The following GALNT14 variants were observed in gnomAD, a reference collection of about 807,000 sequenced individuals.
The protein encoded by GALNT14 is polypeptide N-acetylgalactosaminyltransferase 14, also known as UDP-GalNAc:polypeptide N-acetylgalactosaminyltransferase 14.
GALNT14 carries 60 observed loss-of-function variants against 77.5 expected under a neutral mutation model. The ratio of observed to expected loss-of-function variants is 0.77; its 90% CI spans 0.63 to 0.96. The LOEUF (loss-of-function observed/expected upper bound fraction) is 0.96, where lower values mean the gene tolerates loss of function less well. GALNT14 is among the 40% of genes least tolerant of loss of function. The pLI is 0.00. For missense variants in GALNT14, 710 were observed against 731.0 expected (o/e 0.97, Z 0.33); for synonymous variants, 280 against 281.7 (o/e 0.99, Z 0.06).
intron 1 of GALNT14, among the ~76,000 whole-genome samples, chr2:31,027,728 G>A (rs1196423634): frequency 1.3e-5 from 2 of 152,136 alleles, no homozygotes; most frequent in Non-Finnish European, 2.9e-5. Context: ...TCCCCACCCT[G>A]TATGGTGAAA....
intron 1 of GALNT14, among the ~76,000 whole-genome samples, chr2:31,000,321 G>A (rs1670284980): frequency 6.6e-6 from 1 of 152,174 alleles, no homozygotes; most frequent in East Asian, 1.9e-4. Flanking sequence ...GATTAGAGGA[G>A]CTTGCTTGTC....
chr2:31,060,431 C>T (rs1356741868), intron 1 of GALNT14, among the ~76,000 whole-genome samples: 5 of 152,130 alleles, frequency 3.3e-5, no homozygotes, highest in East Asian at 3.9e-4. Flanking sequence ...AATCCTTCAG[C>T]GGAGGGAAAG....
At chr2:30,989,582 A>ATAT (rs1553351577) in intron 2 of GALNT14, among the ~76,000 whole-genome samples, 17 of 114,160 alleles carry the variant, frequency 1.5e-4, no homozygotes, top group African/African-American at 4.7e-4. Context: ...ATATATATAT[A>ATAT]AAAATATATA....
chr2:31,120,773 T>C (rs907077970), intron 1 of GALNT14, among the ~76,000 whole-genome samples: 1 of 152,184 alleles, frequency 6.6e-6, no homozygotes, highest in African/African-American at 2.4e-5. Context: ...GCCAGGCTGG[T>C]CTCAAACTCC....
At chr2:31,136,754 C>A (rs1679245165) in intron 1 of GALNT14, among the ~76,000 whole-genome samples, 1 of 152,122 alleles carries the variant, frequency 6.6e-6, no homozygotes, top group Non-Finnish European at 1.5e-5. Flanking sequence ...ACCAGTAGAA[C>A]GACTTAAGGT....
rs1246782930 is a variant in GALNT14, at chr2:30,950,416, T to C, written c.655-4546A>G. Among the ~76,000 whole-genome samples, 5 of 152,290 alleles carry C rather than the reference T, an allele frequency of 3.3e-5. No individual in the cohort carries two copies. In the East Asian group the frequency reaches 5.8e-4, roughly 18 times the overall value. ...GATGACAGCTGAAGCCCAGTCTCTTTCTTATCTCTTTCTATTTTTGAAAAT... is the reference window on the plus strand; with the variant it reads ...GATGACAGCTGAAGCCCAGTCTCTTCCTTATCTCTTTCTATTTTTGAAAAT... On this transcript the variant is annotated intron_variant, in intron 6 of 14. Coordinates refer to ENST00000349752, the MANE Select transcript of GALNT14 (RefSeq NM_024572.4).
chr2:31,093,570 C>A (rs1013129540), intron 1 of GALNT14, among the ~76,000 whole-genome samples: 1 of 152,206 alleles, frequency 6.6e-6, no homozygotes, highest in African/African-American at 2.4e-5. Context: ...GCACAGACCA[C>A]AGGCATGGCA....
chr2:31,052,502 C>T (rs956257818), intron 1 of GALNT14, among the ~76,000 whole-genome samples: 2 of 152,198 alleles, frequency 1.3e-5, no homozygotes, highest in Non-Finnish European at 2.9e-5. Context: ...CTGCTCCCCA[C>T]GGAAGCCTGG....
rs772350834 is a variant in GALNT14 at position 30,910,863 on chromosome 2, C to A, written c.*38G>T. ...TCCAGTCTGTTCTGGTCCAGGGAAG[C>A]ACCACCCCATGGCCCTTGCTGCTTC... On this transcript the variant is annotated 3_prime_UTR_variant, in exon 15 of 15. Coordinates refer to ENST00000349752, the MANE Select transcript of GALNT14 (RefSeq NM_024572.4). 14 of 1,605,142 alleles carry A rather than the reference C, an allele frequency of 8.7e-6. No homozygotes were observed.
chr2:31,007,453 C>G (rs1670750218), intron 1 of GALNT14, among the ~76,000 whole-genome samples: 1 of 152,132 alleles, frequency 6.6e-6, no homozygotes. Context: ...TGTCACCAAT[C>G]ATTCTTGTCC....
intron 1 of GALNT14, among the ~76,000 whole-genome samples, chr2:31,136,259 C>T (rs1679224771): frequency 6.6e-6 from 1 of 152,220 alleles, no homozygotes; most frequent in Non-Finnish European, 1.5e-5. Flanking sequence ...ACACACCTCC[C>T]TAAACTTTAT....
intron 1 of GALNT14, among the ~76,000 whole-genome samples, chr2:31,119,281 CAA>C: frequency 6.6e-6 from 1 of 152,040 alleles, no homozygotes; most frequent in South Asian, 2.1e-4. Flanking sequence ...ACAGTATTAA[CAA>C]ATTAATCAGA....
chr2:31,034,209 C>T (rs1672576064), intron 1 of GALNT14, among the ~76,000 whole-genome samples: 1 of 152,178 alleles, frequency 6.6e-6, no homozygotes, highest in Non-Finnish European at 1.5e-5. Context: ...TTGCACCAAC[C>T]CTGACCCTCT....
At chr2:30,948,265 T>A (rs1029552666) in intron 6 of GALNT14, among the ~76,000 whole-genome samples, 1 of 152,264 alleles carries the variant, frequency 6.6e-6, no homozygotes, top group Non-Finnish European at 1.5e-5. Context: ...GTGACTCTTA[T>A]GCAATAAAGG....
Position 31,138,300 on chromosome 2 carries a change from G to T in GALNT14, c.-214C>A, listed in dbSNP as rs745827797. 1.8e-5 allele frequency: 10 copies of T among 566,566 alleles called. No homozygotes were observed. Among genetic ancestry groups the T allele is most frequent in the Non-Finnish European group, 2.8e-5 (9 of 326,578 alleles). 35.1% of individuals were successfully genotyped at this position (566,566 alleles called of 1,614,324 possible). A position where few individuals can be genotyped will look rare whatever the true frequency, so the allele number is the denominator to read the frequency against. On this transcript the variant is annotated 5_prime_UTR_variant, in exon 1 of 15. Transcript: ENST00000349752. ...GGGGTGCAGGGCGACCCGAAACGTGGCAGGGAAGGACCGAGGGCAGCCAAG... is the reference window on the plus strand; with the variant it reads ...GGGGTGCAGGGCGACCCGAAACGTGTCAGGGAAGGACCGAGGGCAGCCAAG...
chr2:31,062,002 A>AT (rs1291260285), intron 1 of GALNT14, among the ~76,000 whole-genome samples: 1 of 152,206 alleles, frequency 6.6e-6, no homozygotes, highest in Non-Finnish European at 1.5e-5. Flanking sequence ...AACAGTTTCA[A>AT]TAAATTCTTT....
downstream of GALNT14, among the ~76,000 whole-genome samples, chr2:30,906,158 G>A (rs1333355049): frequency 3.4e-5 from 5 of 147,052 alleles, no homozygotes; most frequent in Non-Finnish European, 7.5e-5. Flanking sequence ...ATCAACTAAC[G>A]AGCAAAATAA....
intron 13 of GALNT14, among the ~76,000 whole-genome samples, chr2:30,923,376 C>G (rs1665162812): frequency 6.6e-6 from 1 of 152,046 alleles, no homozygotes; most frequent in Non-Finnish European, 1.5e-5. Flanking sequence ...AGTCAGCAGG[C>G]CAAGTGCTAT....
At chr2:31,068,029 C>T (rs1675093017) in intron 1 of GALNT14, among the ~76,000 whole-genome samples, 1 of 152,182 alleles carries the variant, frequency 6.6e-6, no homozygotes, top group South Asian at 2.1e-4. Flanking sequence ...GCCACCCCTT[C>T]CTCCTGCCTC....
Sources: gnomAD v4.1 joint callset for allele counts (sites outside exome capture counted in the v4.1 genomes callset) on GRCh38, gnomAD v4.1.1 for gene constraint, MANE v1.5 for transcripts, NCBI Gene and HGNC (gene_info 2026-07-23, HGNC 2026-07-21) for gene names.